The following SYNE2 variants were observed in gnomAD, a reference collection of about 807,000 sequenced individuals.
SYNE2 encodes the protein spectrin repeat containing nuclear envelope protein 2, also known as nesprin-2.
A neutral mutation model predicts 856.3 loss-of-function variants in SYNE2; 431 were observed. The ratio of observed to expected loss-of-function variants is 0.50; its 90% CI spans 0.47 to 0.55. The LOEUF is 0.55. SYNE2 is among the 20% of genes least tolerant of loss of function. The pLI is 0.00. For synonymous variants in SYNE2, 2,923 were observed against 2,872.3 expected (o/e 1.02, Z -0.56); for missense variants, 8,129 against 8,023.2 (o/e 1.01, Z -0.50).
At chr14:63,834,874 G>A (rs1015843515) in intron 1 of SYNE2, among the ~76,000 whole-genome samples, 2 of 151,788 alleles carry the variant, frequency 1.3e-5, no homozygotes, top group Non-Finnish European at 2.9e-5. Flanking sequence ...TCTTGACCTC[G>A]TGATCCACCT....
Position 64,052,500 on chromosome 14 carries a change from A to G in SYNE2, c.8587A>G (p.Thr2863Ala). ...AACACTGATAATTCCCAGGGTGGAG[A>G]CAGCTGCCACGGAAGCTGAACTAAA... ...SETLIIPRVE[T>A]AATEAELKHH... is the part of the protein sequence containing the mutation. The change falls in exon 48 of 116, where the codon ACA becomes GCA. Residue 2863 changes from threonine to alanine, a missense_variant. This residue lies in a region of SYNE2 where 5,410 missense variants were observed against 5,284.8 expected (regional missense o/e 1.02). Coordinates refer to ENST00000555002, the MANE Select transcript of SYNE2 (RefSeq NM_182914.3). 6.2e-7 allele frequency: 1 copy of G among 1,614,134 alleles called. No individual in the cohort carries two copies. The highest frequency in any genetic ancestry group is 8.5e-7 in the Non-Finnish European group (1 of 1,180,008).
At chr14:64,013,541 C>T (rs191004299) in intron 32 of SYNE2, among the ~76,000 whole-genome samples, 35 of 152,136 alleles carry the variant, frequency 2.3e-4, no homozygotes, top group Admixed American at 2.0e-3. Context: ...CCGTGTGCCC[C>T]CATTGTTTAG....
At chr14:64,037,049 G>C (rs1044891193) in intron 45 of SYNE2, among the ~76,000 whole-genome samples, 11 of 152,122 alleles carry the variant, frequency 7.2e-5, no homozygotes, top group African/African-American at 2.7e-4. Flanking sequence ...AGCAGCATTG[G>C]AACAGAGACT....
chr14:64,222,836 G>C (rs896617437), intron 112 of SYNE2, among the ~76,000 whole-genome samples: 1 of 152,150 alleles, frequency 6.6e-6, no homozygotes, highest in African/African-American at 2.4e-5. Flanking sequence ...CTATGGTTAC[G>C]CTGCTGTTTC....
intron 1 of SYNE2, among the ~76,000 whole-genome samples, chr14:63,883,724 G>C (rs2094918047): frequency 6.6e-6 from 1 of 152,238 alleles, no homozygotes; most frequent in Non-Finnish European, 1.5e-5. Context: ...AATTACATTG[G>C]ATGATAAGTT....
chr14:63,935,988 C>T (rs961126822), intron 2 of SYNE2, among the ~76,000 whole-genome samples: 1 of 152,206 alleles, frequency 6.6e-6, no homozygotes, highest in African/African-American at 2.4e-5. Flanking sequence ...GATTCTCCTG[C>T]TTCAGCCTCC....
chr14:64,112,522 A>G (rs1717138006), intron 65 of SYNE2, among the ~76,000 whole-genome samples: 1 of 152,328 alleles, frequency 6.6e-6, no homozygotes, highest in African/African-American at 2.4e-5. Context: ...AACATATCTA[A>G]TATATAATTA....
chr14:63,773,692 A>G (rs1163857874), intron 1 of SYNE2, among the ~76,000 whole-genome samples: 4 of 152,138 alleles, frequency 2.6e-5, no homozygotes, highest in Admixed American at 1.3e-4. Context: ...CTCCTGAGTA[A>G]CTGGGACTAC....
At chr14:63,839,000 A>G (rs1019424487) in intron 1 of SYNE2, among the ~76,000 whole-genome samples, 1 of 151,872 alleles carries the variant, frequency 6.6e-6, no homozygotes. Context: ...CTAGTGATTC[A>G]TATCCTCACC....
At chr14:64,064,716 G>A (rs1258388719) in intron 50 of SYNE2, among the ~76,000 whole-genome samples, 1 of 151,576 alleles carries the variant, frequency 6.6e-6, no homozygotes, top group Non-Finnish European at 1.5e-5. Flanking sequence ...ACCATGCCTG[G>A]TTAATTTTTT....
chr14:63,912,726 C>T (rs2095487548), intron 2 of SYNE2, among the ~76,000 whole-genome samples: 1 of 152,166 alleles, frequency 6.6e-6, no homozygotes, highest in African/African-American at 2.4e-5. Flanking sequence ...TAAAATGTCT[C>T]AGTTGAAATG....
intron 45 of SYNE2, among the ~76,000 whole-genome samples, chr14:64,041,187 TA>T (rs1251770816): frequency 2.2e-4 from 34 of 152,096 alleles, no homozygotes; most frequent in African/African-American, 7.2e-4. Flanking sequence ...AAAAATATAT[TA>T]AAGAAAAGCT....
intron 64 of SYNE2, among the ~76,000 whole-genome samples, chr14:64,105,313 C>T (rs930564308): frequency 6.6e-6 from 1 of 152,148 alleles, no homozygotes; most frequent in African/African-American, 2.4e-5. Context: ...GCAAACTTAG[C>T]GTGACATTCC....
At chr14:64,080,697 G>A in intron 56 of SYNE2, 59 bp downstream of exon 56, 2 of 1,584,944 alleles carry the variant, frequency 1.3e-6, no homozygotes, top group Non-Finnish European at 8.7e-7. Flanking sequence ...TGGTGTTAAA[G>A]CAAAACAATA....
rs1223445145 is a variant in SYNE2 at position 64,002,664 on chromosome 14, A to G, written c.3787-56A>G. ...ATGCAGTTTGGGGCTAGTTTCTCAC[A>G]TGTAGCCTTTCTTTTTTCCACCTCA... On this transcript the variant is annotated intron_variant, in intron 29 of 115. Coordinates refer to ENST00000555002, the MANE Select transcript of SYNE2 (RefSeq NM_182914.3). The G allele has an allele frequency of 3.8e-6, 6 of 1,590,976 alleles. No individual in the cohort carries two copies. In the East Asian group the frequency reaches 1.3e-4, roughly 36 times the overall value.
chr14:64,219,096 GTTTTTTTGTTTTTTTT>G (rs2098680507), intron 109 of SYNE2, 96 bp from the exon 110 acceptor site: 4 of 758,740 alleles, frequency 5.3e-6, no homozygotes, highest in Non-Finnish European at 7.7e-6. Flanking sequence ...ATCCCCTACA[GTTTTTTTGTTTTTTTT>G]TTTTTTTTTT....
At position 63,897,388 on chromosome 14, in the gene SYNE2, C is replaced by T. The variant is rs183638110; in HGVS notation, c.-51-11710C>T. ...TCCATGCTGATATTGGCTGTTCATT[C>T]ATTTTAGCTGTGAATAGTCTTCACT... On this transcript the variant is annotated intron_variant, in intron 1 of 115. Transcript: ENST00000555002. Among the ~76,000 whole-genome samples the T allele has an allele frequency of 1.4e-3, 208 of 152,308 alleles. 2 individuals carry two copies. The highest frequency in any genetic ancestry group is 5.6e-3 in the East Asian group (29 of 5,194).
chr14:63,999,044 A>C lies in SYNE2; in HGVS notation c.3480+4A>C. On this transcript the variant is annotated splice_donor_region_variant and intron_variant, in intron 27 of 115. Transcript: ENST00000555002. ...GGCTAAACTGACAGATCTACAGGTA[A>C]TTACCAAAAATATTATTTCTCTGAT... 1 of 1,613,060 alleles carries C rather than the reference A, an allele frequency of 6.2e-7. No individual in the cohort carries two copies. Among genetic ancestry groups the C allele is most frequent in the Non-Finnish European group, 8.5e-7 (1 of 1,179,150 alleles).
chr14:64,203,389 G>A (rs764456296), intron 100 of SYNE2, among the ~76,000 whole-genome samples: 1 of 152,168 alleles, frequency 6.6e-6, no homozygotes, highest in Non-Finnish European at 1.5e-5. Context: ...ACAAGAAAAG[G>A]TGTGATAAGG....
Sources: allele counts gnomAD v4.1 joint callset (sites outside exome capture counted in the v4.1 genomes callset), GRCh38; gene constraint gnomAD v4.1.1; regional missense constraint gnomAD v4.1.1; transcripts MANE v1.5; gene names NCBI Gene and HGNC (gene_info 2026-07-23, HGNC 2026-07-21).